EGFL6: variants seen among roughly 807,000 people sequenced by gnomAD.
EGFL6 encodes the protein EGF like domain multiple 6.
EGFL6 carries 42 observed loss-of-function variants against 43.1 expected under a neutral mutation model. The observed-to-expected ratio is 0.98, with a 90% CI of 0.76 to 1.26. EGFL6 has a LOEUF of 1.26. Among genes scored for constraint, EGFL6 ranks in the 50% most tolerant of loss-of-function variants. EGFL6 has a pLI of 0.00. For synonymous variants in EGFL6, 164 were observed against 163.2 expected (o/e 1.01, Z -0.04); for missense variants, 429 against 427.8 (o/e 1.00, Z -0.02).
At chrX:13,599,634 TATC>T (rs1475054199) in intron 3 of EGFL6, among the ~76,000 whole-genome samples, 6 of 108,280 alleles carry the variant, frequency 5.5e-5, no homozygotes, top group Non-Finnish European at 7.6e-5. Flanking sequence ...GGCTATCTAG[TATC>T]ATGCTATTAT....
At chrX:13,621,123 A>T (rs1196381935) in intron 9 of EGFL6, among the ~76,000 whole-genome samples, 1 of 112,802 alleles carries the variant, frequency 8.9e-6, no homozygotes, top group Non-Finnish European at 1.9e-5. Context: ...GTTCCCCAGA[A>T]ATAGACCCCA....
In EGFL6 at chrX:13,569,801, G is replaced by A. The variant is rs1602632197; in HGVS notation, c.-61G>A. The A allele has an allele frequency of 4.4e-6, 5 of 1,145,933 alleles. No homozygotes were observed. The East Asian group carries it at 1.2e-4, about 27-fold the overall frequency. 94.4% of individuals were successfully genotyped at this position (1,145,933 alleles called of 1,213,427 possible). A position where few individuals can be genotyped will look rare whatever the true frequency, so the allele number is the denominator to read the frequency against. On this transcript the variant is annotated 5_prime_UTR_variant, in exon 1 of 12. Transcript: ENST00000361306. ...GAGGAGGCGGCGGCTTAGCTGCTACGGGGTCCGGCCGGCGCCCTCCCGAGG... is the reference window on the plus strand; with the variant it reads ...GAGGAGGCGGCGGCTTAGCTGCTACAGGGTCCGGCCGGCGCCCTCCCGAGG...
chrX:13,580,161 C>T (rs2045497603), intron 1 of EGFL6, among the ~76,000 whole-genome samples: 1 of 111,601 alleles, frequency 9.0e-6, no homozygotes, highest in Non-Finnish European at 1.9e-5. Context: ...TTGCCTTCGC[C>T]CACACTTGTT....
chrX:13,591,635 A>G (rs2045563484), intron 2 of EGFL6, among the ~76,000 whole-genome samples: 1 of 111,293 alleles, frequency 9.0e-6, no homozygotes, highest in African/African-American at 3.3e-5. Flanking sequence ...TGTGGGATGC[A>G]TGATAATAAG....
intron 3 of EGFL6, 87 bp downstream of exon 3, chrX:13,595,015 G>T (rs2045589400): frequency 1.5e-5 from 10 of 674,813 alleles, no homozygotes; most frequent in Non-Finnish European, 2.1e-5. Flanking sequence ...ATTTCTTAGG[G>T]TTTTTTTAAA....
chrX:13,581,021 C>T (rs1490540163), intron 1 of EGFL6, among the ~76,000 whole-genome samples: 3 of 111,950 alleles, frequency 2.7e-5, no homozygotes, highest in East Asian at 5.6e-4. Context: ...GTTCCCTTCA[C>T]CTCCTAAGTA....
chrX:13,609,295 G>T (rs768898088), intron 7 of EGFL6, among the ~76,000 whole-genome samples: 4 of 112,118 alleles, frequency 3.6e-5, no homozygotes, highest in Non-Finnish European at 7.5e-5. Flanking sequence ...ATTCAGCTTG[G>T]AAGTATCTAA....
intron 7 of EGFL6, among the ~76,000 whole-genome samples, chrX:13,612,337 CAT>C (rs2045694051): frequency 9.3e-6 from 1 of 107,816 alleles, no homozygotes; most frequent in Non-Finnish European, 1.9e-5. Context: ...GGACACAGCA[CAT>C]GTTTCAGAGA....
chrX:13,626,867 T>A (rs1341860637), intron 10 of EGFL6, 144 bp from the exon 11 acceptor site: 2 of 641,457 alleles, frequency 3.1e-6, no homozygotes, highest in Non-Finnish European at 2.3e-6. Context: ...AGCATGAAAC[T>A]TTTATTCCTA....
chrX:13,588,452 C>T (rs1260100904), intron 1 of EGFL6, among the ~76,000 whole-genome samples: 1 of 112,248 alleles, frequency 8.9e-6, no homozygotes, highest in Non-Finnish European at 1.9e-5. Context: ...AGGAAATAAT[C>T]ACAGCCCTCC....
At chrX:13,572,393 GTTA>G (rs1024508216) in intron 1 of EGFL6, among the ~76,000 whole-genome samples, 5 of 112,495 alleles carry the variant, frequency 4.4e-5, no homozygotes, top group Non-Finnish European at 9.4e-5. Context: ...AGATAAAATT[GTTA>G]TTAAGATTAA....
chrX:13,616,376 G>A (rs374433961), intron 7 of EGFL6, among the ~76,000 whole-genome samples: 2 of 111,829 alleles, frequency 1.8e-5, no homozygotes, highest in Non-Finnish European at 3.8e-5. Context: ...TTGGGAGGCC[G>A]AGGTGGGTGG....
At chrX:13,577,339 T>C (rs906643857) in intron 1 of EGFL6, among the ~76,000 whole-genome samples, 26 of 13,264 alleles carry the variant, frequency 2.0e-3, no homozygotes, top group African/African-American at 5.0e-3. Context: ...TATATATATA[T>C]ATACATACAC....
intron 5 of EGFL6, among the ~76,000 whole-genome samples, 194 bp downstream of exon 5, chrX:13,603,630 T>G (rs957520348): frequency 8.9e-6 from 1 of 112,638 alleles, no homozygotes; most frequent in African/African-American, 3.2e-5. Context: ...AAAAAACACA[T>G]TTTTCTATTA....
At chrX:13,578,527 G>C (rs1452969123) in intron 1 of EGFL6, among the ~76,000 whole-genome samples, 6 of 108,064 alleles carry the variant, frequency 5.6e-5, no homozygotes, top group Non-Finnish European at 9.6e-5. Context: ...TTGGAAGCAA[G>C]CCAAATGTCC....
chrX:13,617,124 G>GT (rs1281584355), intron 7 of EGFL6, among the ~76,000 whole-genome samples: 3 of 112,234 alleles, frequency 2.7e-5, no homozygotes, highest in East Asian at 5.5e-4. Context: ...ATGAAAAATA[G>GT]TAAGTATAGA....
intron 10 of EGFL6, among the ~76,000 whole-genome samples, chrX:13,626,293 A>G (rs777976693): frequency 7.5e-4 from 84 of 111,627 alleles, no homozygotes; most frequent in Non-Finnish European, 7.5e-4. Context: ...CCATTCCCCA[A>G]TGTCTTCTTC....
chrX:13,592,484 A>G (rs1267922099), intron 2 of EGFL6, among the ~76,000 whole-genome samples: 1 of 112,396 alleles, frequency 8.9e-6, no homozygotes, highest in Non-Finnish European at 1.9e-5. Flanking sequence ...ATTAAATGCT[A>G]CAGGGGAAAC....
At chrX:13,609,128 A>G (rs2045676487) in intron 7 of EGFL6, among the ~76,000 whole-genome samples, 1 of 112,437 alleles carries the variant, frequency 8.9e-6, no homozygotes, top group Non-Finnish European at 1.9e-5. Context: ...ATATGTCCAA[A>G]GAGAATTTTT....
Sources: gnomAD v4.1 joint callset for allele counts (sites outside exome capture counted in the v4.1 genomes callset) on GRCh38, gnomAD v4.1.1 for gene constraint, MANE v1.5 for transcripts, NCBI Gene and HGNC (gene_info 2026-07-23, HGNC 2026-07-21) for gene names.